The following SGIP1 variants were observed in gnomAD, a reference collection of about 807,000 sequenced individuals.
SGIP1 encodes the protein SH3GL interacting endocytic adaptor 1.
Under a neutral mutation model 107.5 loss-of-function variants are expected in SGIP1, and 38 were observed. The ratio of observed to expected loss-of-function variants is 0.35; its 90% CI spans 0.27 to 0.46. SGIP1 has a LOEUF of 0.46. SGIP1 is among the 20% of genes least tolerant of loss of function. SGIP1 has a pLI of 1.00. For synonymous variants in SGIP1, 365 were observed against 366.1 expected (o/e 1.00, Z 0.03); for missense variants, 929 against 1,019.5 (o/e 0.91, Z 1.21).
intron 7 of SGIP1, among the ~76,000 whole-genome samples, chr1:66,648,454 G>C (rs1455935443): frequency 1.3e-5 from 2 of 152,166 alleles, no homozygotes; most frequent in Non-Finnish European, 2.9e-5. Flanking sequence ...ACCATGGCAT[G>C]TCACCACCCT....
At chr1:66,648,863 A>G (rs1419277113) in intron 7 of SGIP1, among the ~76,000 whole-genome samples, 3 of 152,130 alleles carry the variant, frequency 2.0e-5, no homozygotes. Context: ...TACCTGTGTA[A>G]CCTTAGACAA....
At chr1:66,717,035 C>T (rs554516771) in intron 18 of SGIP1, among the ~76,000 whole-genome samples, 6 of 152,260 alleles carry the variant, frequency 3.9e-5, no homozygotes, top group African/African-American at 1.2e-4. Context: ...CAGACCTCAG[C>T]TCCAATATCT....
intron 7 of SGIP1, among the ~76,000 whole-genome samples, chr1:66,653,647 A>G (rs181762141): frequency 2.3e-4 from 35 of 152,332 alleles, no homozygotes; most frequent in Middle Eastern, 6.8e-3. Flanking sequence ...TTTCTGTAAC[A>G]AAATCAAAAT....
intron 7 of SGIP1, among the ~76,000 whole-genome samples, chr1:66,651,545 GCTC>G (rs76621214): frequency 0.13 from 20,282 of 152,086 alleles, 1,380 homozygotes; most frequent in African/African-American, 0.15. Flanking sequence ...ATTTCTGAAT[GCTC>G]ACATGAAATA....
At chr1:66,672,077 C>A in intron 11 of SGIP1, 82 bp downstream of exon 11, 2 of 1,284,342 alleles carry the variant, frequency 1.6e-6, no homozygotes, top group African/African-American at 1.5e-5. Context: ...TTGAGCTAAA[C>A]TCTCAGCTCC....
chr1:66,561,873 C>T (rs1197558706), intron 1 of SGIP1, among the ~76,000 whole-genome samples: 1 of 152,010 alleles, frequency 6.6e-6, no homozygotes, highest in African/African-American at 2.4e-5. Context: ...TTTCTACATT[C>T]AGCGTTATAG....
chr1:66,549,639 C>A (rs191896049), intron 1 of SGIP1, among the ~76,000 whole-genome samples: 20 of 152,196 alleles, frequency 1.3e-4, no homozygotes, highest in Admixed American at 1.3e-3. Flanking sequence ...TTATCAGCAC[C>A]CCCATGCTTG....
At position 66,732,751 on chromosome 1, in the gene SGIP1, A is replaced by G. The variant is rs76526831; in HGVS notation, c.1899-997A>G. Among the ~76,000 whole-genome samples the G allele has an allele frequency of 5.2e-3, 789 of 151,910 alleles. 9 individuals are homozygous for G. The highest frequency in any genetic ancestry group is 0.017 in the African/African-American group (724 of 41,434). On this transcript the variant is annotated intron_variant, in intron 20 of 24. Transcript: ENST00000371037. Reference sequence around the variant, plus strand: ...AATTTTCTCTCTTTTTTTTTTAACAAGTTTGCTCATCTTTAAAAACAAAGA... The same window carrying G: ...AATTTTCTCTCTTTTTTTTTTAACAGGTTTGCTCATCTTTAAAAACAAAGA...
chr1:66,630,867 GAAA>G (rs2074249829), intron 2 of SGIP1, among the ~76,000 whole-genome samples: 1 of 36,212 alleles, frequency 2.8e-5, no homozygotes, highest in Non-Finnish European at 4.5e-5. Flanking sequence ...AAGAAAGAAA[GAAA>G]GAAAGAAAGA....
intron 13 of SGIP1, among the ~76,000 whole-genome samples, chr1:66,678,355 G>A (rs1157502739): frequency 2.6e-5 from 4 of 152,192 alleles, no homozygotes; most frequent in Admixed American, 1.3e-4. Flanking sequence ...TACGTGCTGT[G>A]GTTACACTTA....
rs142211236 is a variant in SGIP1 at position 66,669,237 on chromosome 1, C to T, written c.483+1696C>T. Among the ~76,000 whole-genome samples, 627 of 152,320 alleles carry T rather than the reference C, an allele frequency of 4.1e-3. 5 individuals carry two copies. The highest frequency in any genetic ancestry group is 0.014 in the African/African-American group (600 of 41,558). ...GTTACAGGGGCTTCTTCTTTAGTGC[C>T]TTTCAACTGTGAATATCCATTGAAT... On this transcript the variant is annotated intron_variant, in intron 9 of 24. Transcript: ENST00000371037.
At chr1:66,542,240 G>A (rs1438393775) in intron 1 of SGIP1, among the ~76,000 whole-genome samples, 1 of 151,814 alleles carries the variant, frequency 6.6e-6, no homozygotes, top group Non-Finnish European at 1.5e-5. Flanking sequence ...TTTACCTATG[G>A]TAAAGTTAAT....
chr1:66,595,179 T>C (rs898957597), intron 1 of SGIP1, among the ~76,000 whole-genome samples: 2 of 152,226 alleles, frequency 1.3e-5, no homozygotes, highest in African/African-American at 4.8e-5. Context: ...CATTGGCTTT[T>C]CAGCTGGCAT....
chr1:66,666,934 A>G (rs1435647551), intron 8 of SGIP1: 11 of 152,238 alleles, frequency 7.2e-5, no homozygotes, highest in Admixed American at 5.9e-4. Flanking sequence ...CATTCTCATC[A>G]TTCGCATCAC....
chr1:66,688,289 T>C (rs1319914285), intron 15 of SGIP1, among the ~76,000 whole-genome samples: 2 of 152,222 alleles, frequency 1.3e-5, no homozygotes, highest in Non-Finnish European at 2.9e-5. Flanking sequence ...AGGTTTTTGG[T>C]CAAGTTTCCT....
chr1:66,597,153 A>T (rs2064866369), intron 1 of SGIP1, among the ~76,000 whole-genome samples: 1 of 152,182 alleles, frequency 6.6e-6, no homozygotes. Flanking sequence ...TTATTTCATC[A>T]ACCAGGTACT....
At chr1:66,623,656 G>A (rs2071799690) in intron 1 of SGIP1, among the ~76,000 whole-genome samples, 1 of 152,152 alleles carries the variant, frequency 6.6e-6, no homozygotes, top group African/African-American at 2.4e-5. Flanking sequence ...TGTATTTCAT[G>A]TGTTAAAAAC....
chr1:66,689,108 C>G (rs758308615), intron 15 of SGIP1, 40 bp from the exon 16 acceptor site: 2 of 1,598,500 alleles, frequency 1.3e-6, no homozygotes, highest in East Asian at 2.2e-5. Context: ...GCTTTGGCCC[C>G]CTGTGTTTCC....
intron 1 of SGIP1, among the ~76,000 whole-genome samples, chr1:66,545,147 T>C (rs982916426): frequency 4.6e-5 from 7 of 152,134 alleles, no homozygotes; most frequent in African/African-American, 1.2e-4. Context: ...ACAAAAGACA[T>C]CAATTTCCTC....
Sources: gnomAD v4.1 joint callset for allele counts (sites outside exome capture counted in the v4.1 genomes callset) on GRCh38, gnomAD v4.1.1 for gene constraint, MANE v1.5 for transcripts, NCBI Gene and HGNC (gene_info 2026-07-23, HGNC 2026-07-21) for gene names.